ADAMTSL1: variants seen among roughly 807,000 people sequenced by gnomAD.
ADAMTSL1 encodes ADAMTS like 1.
In ADAMTSL1, 126 loss-of-function variants were observed where a neutral mutation model predicts 201.8. That is an observed-to-expected ratio of 0.62 (90% confidence interval 0.54 to 0.72). The LOEUF (loss-of-function observed/expected upper bound fraction) is 0.72, where lower values mean the gene tolerates loss of function less well. Ranked by LOEUF, ADAMTSL1 falls within the 30% of genes least tolerant of loss-of-function variation. ADAMTSL1 has a pLI of 0.00. For synonymous variants in ADAMTSL1, 1,121 were observed against 903.4 expected (o/e 1.24, Z -4.32); for missense variants, 2,679 against 2,277.8 (o/e 1.18, Z -3.59).
At chr9:18,733,680 A>T in intron 15 of ADAMTSL1, among the ~76,000 whole-genome samples, 1 of 51,806 alleles carries the variant, frequency 1.9e-5, no homozygotes, top group East Asian at 6.5e-4. Context: ...CCCCCACCCC[A>T]CTTCTCTTCT....
intron 1 of ADAMTSL1, among the ~76,000 whole-genome samples, chr9:18,111,252 C>G (rs1824993496): frequency 6.6e-6 from 1 of 152,136 alleles, no homozygotes; most frequent in Non-Finnish European, 1.5e-5. Flanking sequence ...AGATTTTATA[C>G]TGGGGCTGGA....
At chr9:18,627,809 A>G (rs1407579760) in intron 5 of ADAMTSL1, among the ~76,000 whole-genome samples, 1 of 152,192 alleles carries the variant, frequency 6.6e-6, no homozygotes, top group Non-Finnish European at 1.5e-5. Context: ...TTGCCACATA[A>G]TATTACACAT....
chr9:18,529,696 A>C (rs907008636), intron 2 of ADAMTSL1, among the ~76,000 whole-genome samples: 5 of 152,176 alleles, frequency 3.3e-5, no homozygotes, highest in South Asian at 2.1e-4. Flanking sequence ...GTTATAGTTC[A>C]CAATTTGATA....
chr9:17,965,931 G>A (rs1224488075), intron 1 of ADAMTSL1, among the ~76,000 whole-genome samples: 2 of 152,108 alleles, frequency 1.3e-5, no homozygotes, highest in Non-Finnish European at 2.9e-5. Context: ...AGGAACTATG[G>A]CCTGTTCCAA....
At chr9:18,806,199 T>C (rs1823106894) in intron 20 of ADAMTSL1, among the ~76,000 whole-genome samples, 1 of 152,208 alleles carries the variant, frequency 6.6e-6, no homozygotes, top group Non-Finnish European at 1.5e-5. Context: ...AAAACAAACC[T>C]ATAAATATAT....
chr9:18,865,188 C>T (rs1010730969), intron 23 of ADAMTSL1, among the ~76,000 whole-genome samples: 7 of 151,978 alleles, frequency 4.6e-5, no homozygotes, highest in Non-Finnish European at 8.8e-5. Context: ...TATCCCTCCC[C>T]GCTCCCCCCA....
intron 1 of ADAMTSL1, among the ~76,000 whole-genome samples, chr9:17,948,332 G>A (rs1354103250): frequency 2.6e-5 from 4 of 152,142 alleles, no homozygotes; most frequent in South Asian, 2.1e-4. Context: ...AATACCAAAT[G>A]TGTGCTTCTC....
chr9:18,879,384 T>G (rs549895349), intron 23 of ADAMTSL1, among the ~76,000 whole-genome samples: 1 of 152,308 alleles, frequency 6.6e-6, no homozygotes, highest in South Asian at 2.1e-4. Flanking sequence ...AACACCAGGA[T>G]TTTTTTAAAA....
rs111261463 is a variant in ADAMTSL1, at chr9:18,711,231, T to C, written c.1876+4183T>C. 6.1e-3 allele frequency among the ~76,000 whole-genome samples: 923 copies of C among 152,310 alleles called. 6 individuals are homozygous for C. The highest frequency in any genetic ancestry group is 0.019 in the African/African-American group (804 of 41,576). ...AAAAGGAAACATATAATAAGAAATT[T>C]CAGGCAAGGAGCCAAGATGGCCGAA... On this transcript the variant is annotated intron_variant, in intron 14 of 28. Transcript: ENST00000380548.
rs949972046 is a variant in ADAMTSL1, at chr9:18,802,094, A to G, written c.3805+6570A>G. The stretch of plus-strand genomic sequence containing the variant: ...GGAATTCAAGACCAGCCTGGGCAAC[A>G]GAGAGAAATCCCATCTCTACAAAAA... On this transcript the variant is annotated intron_variant, in intron 20 of 28. Transcript: ENST00000380548. Among the ~76,000 whole-genome samples, 18 of 152,174 alleles carry G rather than the reference A, an allele frequency of 1.2e-4. 1 individual carries two copies. Among genetic ancestry groups the G allele is most frequent in the Admixed American group, 1.2e-3 (18 of 15,286 alleles).
chr9:17,970,871 T>A (rs1055160713), intron 1 of ADAMTSL1, among the ~76,000 whole-genome samples: 1 of 152,046 alleles, frequency 6.6e-6, no homozygotes, highest in African/African-American at 2.4e-5. Flanking sequence ...AAGGTAGGAA[T>A]CAAGTTTAAT....
At chr9:18,204,193 C>G (rs1259251595) in intron 2 of ADAMTSL1, among the ~76,000 whole-genome samples, 1 of 152,160 alleles carries the variant, frequency 6.6e-6, no homozygotes, top group African/African-American at 2.4e-5. Context: ...CAAATCTCAT[C>G]TTGAATTATA....
chr9:18,005,917 C>G (rs1168499973), intron 1 of ADAMTSL1, among the ~76,000 whole-genome samples: 1 of 151,920 alleles, frequency 6.6e-6, no homozygotes, highest in Non-Finnish European at 1.5e-5. Context: ...TTGCATAGGT[C>G]ATGTCTTCTA....
At chr9:18,554,666 G>C (rs1241243689) in intron 3 of ADAMTSL1, among the ~76,000 whole-genome samples, 4 of 54,794 alleles carry the variant, frequency 7.3e-5, no homozygotes, top group Non-Finnish European at 1.2e-4. Flanking sequence ...GTGGATCTGA[G>C]TGGTTTTTTT....
intron 1 of ADAMTSL1, among the ~76,000 whole-genome samples, chr9:18,107,007 G>C (rs899646882): frequency 6.6e-6 from 1 of 152,054 alleles, no homozygotes; most frequent in African/African-American, 2.4e-5. Context: ...ATAGGTTGGG[G>C]CTTTTTTATG....
chr9:17,919,353 A>G (rs1028142737), intron 1 of ADAMTSL1, among the ~76,000 whole-genome samples: 1 of 151,958 alleles, frequency 6.6e-6, no homozygotes, highest in African/African-American at 2.4e-5. Context: ...TCCAGACTCC[A>G]TTTTAAACGG....
In ADAMTSL1 at chr9:18,407,539, C is replaced by A. The variant is rs556243269; in HGVS notation, c.208-97290C>A. ...GAGAAGTAGTAGCCTGGGAGGTAGACAGGAAGCCAGGGTAAAGCAATGTTT... is the reference window on the plus strand; with the variant it reads ...GAGAAGTAGTAGCCTGGGAGGTAGAAAGGAAGCCAGGGTAAAGCAATGTTT... On this transcript the variant is annotated intron_variant, in intron 2 of 29. Coordinates refer to the ADAMTSL1 transcript ENST00000680146. 4.6e-5 allele frequency among the ~76,000 whole-genome samples: 7 copies of A among 152,186 alleles called. No individual in the cohort carries two copies. The South Asian group carries it at 1.2e-3, about 27-fold the overall frequency.
chr9:18,284,554 CAG>C (rs1268543898), intron 2 of ADAMTSL1, among the ~76,000 whole-genome samples: 1 of 152,154 alleles, frequency 6.6e-6, no homozygotes, highest in Non-Finnish European at 1.5e-5. Context: ...GTGTAAATAA[CAG>C]AGTTAGAAAG....
intron 1 of ADAMTSL1, among the ~76,000 whole-genome samples, chr9:18,492,512 A>G (rs1414544315): frequency 6.6e-6 from 1 of 152,186 alleles, no homozygotes; most frequent in Non-Finnish European, 1.5e-5. Context: ...TCTCTGTTTC[A>G]AGAGTTGCTT....
Sources: gnomAD v4.1 joint callset for allele counts (sites outside exome capture counted in the v4.1 genomes callset) on GRCh38, gnomAD v4.1.1 for gene constraint, MANE v1.5 for transcripts, NCBI Gene and HGNC (gene_info 2026-07-23, HGNC 2026-07-21) for gene names.